Variants in DNHD1 observed in about 807,000 individuals in gnomAD.
DNHD1 encodes the protein dynein heavy chain domain-containing protein 1.
In DNHD1, 383 loss-of-function variants were observed where a neutral mutation model predicts 458.1. The observed-to-expected ratio is 0.84, with a 90% confidence interval of 0.77 to 0.91. The LOEUF (loss-of-function observed/expected upper bound fraction) is 0.91, where lower values mean the gene tolerates loss of function less well. Among genes scored for constraint, DNHD1 ranks in the 40% least tolerant of loss-of-function variants. The pLI, the probability that DNHD1 is intolerant of heterozygous loss-of-function variation, is 0.00. For missense variants in DNHD1, 5,336 were observed against 5,866.1 expected (o/e 0.91, Z 2.95); for synonymous variants, 2,203 against 2,376.9 (o/e 0.93, Z 2.13).
At chr11:6,550,703 T>G (rs890029407) in intron 24 of DNHD1, among the ~76,000 whole-genome samples, 1 of 152,118 alleles carries the variant, frequency 6.6e-6, no homozygotes, top group African/African-American at 2.4e-5. Flanking sequence ...ACAGAAATAG[T>G]TTGCATAAGG....
chr11:6,543,692 G>A (rs1334217252), intron 18 of DNHD1, among the ~76,000 whole-genome samples: 1 of 152,090 alleles, frequency 6.6e-6, no homozygotes, highest in East Asian at 1.9e-4. Flanking sequence ...GGGCATGGTG[G>A]CTTACACCTG....
Position 6,521,925 on chromosome 11 carries a change from G to C in DNHD1, c.1837+1636G>C, listed in dbSNP as rs141653526. On this transcript the variant is annotated intron_variant, in intron 10 of 42. Transcript: ENST00000254579. ...AGAGATGGGGTCTTGCTATGTTGCC[G>C]AGGCTGGTCGTGAACTCCTATCATC... Among the ~76,000 whole-genome samples, 1,342 of 152,152 alleles carry C rather than the reference G, an allele frequency of 8.8e-3. 18 individuals carry two copies. The highest frequency in any genetic ancestry group is 0.03 in the African/African-American group (1,263 of 41,498).
At chr11:6,520,152 CCT>C (rs751276530) in intron 9 of DNHD1, 50 bp downstream of exon 9, 1 of 1,613,392 alleles carries the variant, frequency 6.2e-7, no homozygotes. Flanking sequence ...CAGTTCCTAT[CCT>C]CTGAGTAATC....
intron 10 of DNHD1, 44 bp from the exon 11 acceptor site, chr11:6,528,478 C>G: frequency 6.6e-7 from 1 of 1,518,274 alleles, no homozygotes. Context: ...TGTTTGTGGG[C>G]TCTGGAGGGT....
rs150776858 is a variant in DNHD1, at chr11:6,556,722, G to A, written c.7427G>A (p.Arg2476His). 9.7e-6 allele frequency: 15 copies of A among 1,550,732 alleles called. No homozygotes were observed. The highest frequency in any genetic ancestry group is 1.2e-5 in the South Asian group (1 of 84,042). Reference sequence around the variant, plus strand: ...TGCCAGCCAGTGTTGGAGACTCTGCGCCAGGCCATGGATGGCACTGTGTAT... The same window carrying A: ...TGCCAGCCAGTGTTGGAGACTCTGCACCAGGCCATGGATGGCACTGTGTAT... ...KSCQPVLETL[R>H]QAMDGTVYAH... is the part of the protein sequence containing the mutation. Residue 2476 changes from arginine to histidine, a missense_variant, in exon 25 of 43, where the codon CGC becomes CAC. Arg to His is a conservative substitution (Grantham distance 29). Coordinates refer to ENST00000254579, the MANE Select transcript of DNHD1 (RefSeq NM_144666.3).
chr11:6,512,267 C>A (rs1852355016), intron 7 of DNHD1, among the ~76,000 whole-genome samples: 1 of 122,468 alleles, frequency 8.2e-6, no homozygotes, highest in Admixed American at 1.0e-4. Context: ...GTCACCCAGG[C>A]TGGAGTGCAG....
chr11:6,555,983 TTTA>T (rs527362340), intron 24 of DNHD1, among the ~76,000 whole-genome samples: 4 of 151,932 alleles, frequency 2.6e-5, no homozygotes, highest in African/African-American at 9.7e-5. Context: ...ATTTTTAAAA[TTTA>T]TTATTATTAT....
chr11:6,544,387 T>G (rs1396930810), intron 19 of DNHD1, 141 bp downstream of exon 19: 9 of 1,134,114 alleles, frequency 7.9e-6, no homozygotes, highest in Middle Eastern at 2.8e-4. Flanking sequence ...TTTCTTGGGA[T>G]GAAGAGATCA....
intron 14 of DNHD1, among the ~76,000 whole-genome samples, chr11:6,538,013 G>C (rs1296309452): frequency 6.6e-6 from 1 of 152,232 alleles, no homozygotes; most frequent in East Asian, 1.9e-4. Flanking sequence ...TGAAGGAAGA[G>C]TGTTCCAGAA....
At position 6,539,281 on chromosome 11, in the gene DNHD1, C is replaced by G. The variant is rs114253228; in HGVS notation, c.3388C>G (p.Pro1130Ala). The G allele has an allele frequency of 3.4e-5, 52 of 1,551,642 alleles. No homozygotes were observed. The African/African-American group carries it at 6.6e-4, about 20-fold the overall frequency. Residue 1130 changes from proline (P) to alanine (A), a missense_variant, in exon 17 of 43, where the codon CCA becomes GCA. Pro to Ala is a conservative substitution (Grantham distance 27, BLOSUM62 -1). Coordinates refer to ENST00000254579, the MANE Select transcript of DNHD1 (RefSeq NM_144666.3). ...LLTLGQLLTY[P>A]LLEFADRINQ... is the part of the protein sequence containing the mutation. ...AACGCTGGGCCAGCTGCTTACTTAT[C>G]CACTGCTGGAGTTTGCAGATCGAAT... is the stretch of plus-strand genomic sequence containing the variant.
chr11:6,534,117 T>C lies in DNHD1; in HGVS notation c.2942T>C (p.Phe981Ser). Residue 981 changes from phenylalanine to serine, a missense_variant, in exon 14 of 43, where the codon TTC (phenylalanine) becomes TCC (serine). By Grantham distance (155) the Phe-to-Ser change is radical. This residue lies in a region of DNHD1 where 3,932 missense variants were observed against 4,365.6 expected (regional missense o/e 0.90). Transcript: ENST00000254579. ...CAGCTCGTCTCCCTAGAGCGTCAGT[T>C]CCAGAACACAGTCAGCGACCTCAGT... ...EHQLVSLERQ[F>S]QNTVSDLSEL... is the part of the protein sequence containing the mutation. 6.4e-7 allele frequency: 1 copy of C among 1,551,374 alleles called. No individual in the cohort carries two copies. The highest frequency in any genetic ancestry group is 1.2e-5 in the South Asian group (1 of 84,036).
In DNHD1 at chr11:6,570,067, A is replaced by G. The variant is rs759786479; in HGVS notation, c.12922A>G (p.Ser4308Gly). The stretch of plus-strand genomic sequence containing the variant: ...CCAAGACCAGCTGTGGGCAAGTCTT[A>G]GCAATCCCCGTGCTGCCATGCAAGA... ...QTQDQLWASLSNPRAAMQELA... is the reference protein window; with the variant it reads ...QTQDQLWASLGNPRAAMQELA... Residue 4308 changes from serine to glycine, a missense_variant, in exon 40 of 43, where the codon AGC becomes GGC. By Grantham distance (56) the Ser-to-Gly change is moderately conservative. Around this residue, in one of 4 missense-constraint regions of DNHD1, gnomAD observed 698 missense variants for 664.9 expected, o/e 1.05. Transcript: ENST00000254579. 1.2e-6 allele frequency: 2 copies of G among 1,613,854 alleles called. No homozygotes were observed. Among genetic ancestry groups the G allele is most frequent in the East Asian group, 2.2e-5 (1 of 44,894 alleles).
chr11:6,509,220 C>A lies in DNHD1; in HGVS notation c.1183C>A (p.His395Asn), dbSNP rs1187101178. 4.3e-6 allele frequency: 7 copies of A among 1,614,216 alleles called. No homozygotes were observed. Among genetic ancestry groups the A allele is most frequent in the East Asian group, 4.5e-5 (2 of 44,880 alleles). The stretch of plus-strand genomic sequence containing the variant: ...TCGACTCCAGAAATTCCTAGAGAAT[C>A]ATCTGCTCTTGGCTGTGCCCCACTT... ...LHRLQKFLEN[H>N]LLLAVPHFGA... The change falls in exon 6 of 43, where the codon CAT becomes AAT. Residue 395 changes from histidine to asparagine, a missense_variant. Physicochemically the swap from His to Asn is moderately conservative, Grantham distance 68. Coordinates refer to ENST00000254579, the MANE Select transcript of DNHD1 (RefSeq NM_144666.3).
chr11:6,508,695 TTTC>T (rs1180161208), intron 4 of DNHD1, 182 bp from the exon 5 acceptor site: 1 of 602,256 alleles, frequency 1.7e-6, no homozygotes, highest in Non-Finnish European at 2.8e-6. Flanking sequence ...TTGGCTTCGG[TTTC>T]TTCTTAATAA....
At chr11:6,530,973 T>G (rs1015341884) in intron 12 of DNHD1, among the ~76,000 whole-genome samples, 1 of 152,240 alleles carries the variant, frequency 6.6e-6, no homozygotes, top group Non-Finnish European at 1.5e-5. Context: ...TCACTTGCTT[T>G]GTAACTTCAG....
Position 6,498,068 on chromosome 11 carries a change from C to G in DNHD1, c.-148C>G. The G allele has an allele frequency of 9.0e-7, 1 of 1,110,956 alleles. No individual in the cohort carries two copies. The highest frequency in any genetic ancestry group is 1.3e-6 in the Non-Finnish European group (1 of 767,962). 68.8% of individuals were successfully genotyped at this position (1,110,956 alleles called of 1,614,324 possible). On this transcript the variant is annotated 5_prime_UTR_variant, in exon 3 of 43. Transcript: ENST00000254579. Reference sequence around the variant, plus strand: ...CTAACCCCATTGACTCTGACCATCCCCTGCCCAGAGCCTGAGGTCCCTTCT... The same window carrying G: ...CTAACCCCATTGACTCTGACCATCCGCTGCCCAGAGCCTGAGGTCCCTTCT...
Position 6,571,208 on chromosome 11 carries a change from T to C in DNHD1, c.13696T>C (p.Leu4566=), listed in dbSNP as rs1250665632. 6.2e-7 allele frequency: 1 copy of C among 1,607,536 alleles called. No homozygotes were observed. Among genetic ancestry groups the C allele is most frequent in the Non-Finnish European group, 8.5e-7 (1 of 1,176,208 alleles). The change falls in exon 42 of 43, where the codon TTG becomes CTG. Residue 4566 remains leucine, a synonymous_variant. Transcript: ENST00000254579. The surrounding 1 kb of genome is among the most constrained non-coding windows in gnomAD (Gnocchi z 5.0). ...SRRGQLLVRY[L]GVGADASSDV... ...CCGTGGGCAACTGTTGGTTCGTTAC[T>C]TGGGCGTGGGCGCGGACGCGAGCAG...
intron 10 of DNHD1, among the ~76,000 whole-genome samples, chr11:6,524,705 G>A (rs1239429195): frequency 6.6e-6 from 1 of 152,156 alleles, no homozygotes; most frequent in Non-Finnish European, 1.5e-5. Flanking sequence ...GTATGGTGGG[G>A]GAGGTTGCAG....
At position 6,544,222 on chromosome 11, in the gene DNHD1, T is replaced by G; in HGVS notation, c.3730T>G (p.Trp1244Gly). The change falls in exon 19 of 43, where the codon TGG becomes GGG. Residue 1244 changes from tryptophan to glycine, a missense_variant. Around this residue, in one of 4 missense-constraint regions of DNHD1, gnomAD observed 3,932 missense variants for 4,365.6 expected, o/e 0.90. Transcript: ENST00000254579. The stretch of plus-strand genomic sequence containing the variant: ...AGATTTAAACAAAATAGCTTTGGAG[T>G]GGGTGGCCATCATGCATGGCCTGGG... The part of the protein sequence containing the change: ...SGDLNKIALE[W>G]VAIMHGLGAL... 6.4e-7 allele frequency: 1 copy of G among 1,551,176 alleles called. No individual in the cohort carries two copies.
Sources: allele counts gnomAD v4.1 joint callset (sites outside exome capture counted in the v4.1 genomes callset), GRCh38; gene constraint gnomAD v4.1.1; regional missense constraint gnomAD v4.1.1; non-coding constraint Gnocchi (gnomAD v3.1); transcripts MANE v1.5; gene names NCBI Gene and HGNC (gene_info 2026-07-23, HGNC 2026-07-21).